Variants in CEP135 observed in about 807,000 individuals in gnomAD.
CEP135 encodes centrosomal protein of 135 kDa.
Under a neutral mutation model 157.3 loss-of-function variants are expected in CEP135, and 142 were observed. That is an observed-to-expected ratio of 0.90 (90% CI 0.79 to 1.04). CEP135 has a LOEUF of 1.04. Ranked by LOEUF, CEP135 falls within the 50% of genes least tolerant of loss-of-function variation. CEP135 has a pLI of 0.00. For missense variants in CEP135, 1,317 were observed against 1,309.2 expected, an observed-to-expected ratio of 1.01 and a Z score of -0.09; for synonymous variants, 396 against 439.8, an observed-to-expected ratio of 0.90 and a Z score of 1.25.
Position 55,974,867 on chromosome 4 carries a change from T to C in CEP135, c.1371T>C (p.Tyr457=), listed in dbSNP as rs1729143431. The change falls in exon 11 of 26, where the codon TAT becomes TAC. Residue 457 remains tyrosine (Y), a synonymous_variant. Coordinates refer to ENST00000257287, the MANE Select transcript of CEP135 (RefSeq NM_025009.5). ...GTATAGAAGAAGAACGAGATTATTA[T>C]AAGAAAGAGCTAGAGAGACTCCAAC... The part of the protein sequence containing the change: ...LKGIEEERDY[Y]KKELERLQHI... 6.2e-7 allele frequency: 1 copy of C among 1,613,718 alleles called. No homozygotes were observed.
chr4:55,950,759 C>CTT (rs148350973), intron 1 of CEP135, among the ~76,000 whole-genome samples: 11 of 150,534 alleles, frequency 7.3e-5, no homozygotes, highest in African/African-American at 2.4e-4. Flanking sequence ...TTATGTGTGT[C>CTT]TTTTTTTTTA....
intron 4 of CEP135, among the ~76,000 whole-genome samples, chr4:55,954,610 C>G (rs932168076): frequency 2.6e-5 from 4 of 152,206 alleles, no homozygotes; most frequent in South Asian, 2.1e-4. Flanking sequence ...AGATACTAGT[C>G]TAACTTTAAT....
intron 15 of CEP135, among the ~76,000 whole-genome samples, chr4:55,998,188 T>C (rs557899634): frequency 6.6e-6 from 1 of 152,324 alleles, no homozygotes; most frequent in Admixed American, 6.5e-5. Flanking sequence ...TTTTTCCATG[T>C]CTTATTCCTC....
At chr4:55,971,877 G>A (rs1577875878) in intron 10 of CEP135, among the ~76,000 whole-genome samples, 1 of 152,120 alleles carries the variant, frequency 6.6e-6, no homozygotes, top group East Asian at 1.9e-4. Context: ...TCGGCTGGGC[G>A]CGGTGGCTCA....
chr4:55,959,084 C>CA (rs1199369826), intron 5 of CEP135, among the ~76,000 whole-genome samples: 1 of 151,200 alleles, frequency 6.6e-6, no homozygotes, highest in East Asian at 1.9e-4. Flanking sequence ...GGCCCTGTCT[C>CA]AAAAAAGAAA....
chr4:55,963,522 G>A (rs1728747855), intron 6 of CEP135, among the ~76,000 whole-genome samples: 1 of 152,188 alleles, frequency 6.6e-6, no homozygotes, highest in African/African-American at 2.4e-5. Flanking sequence ...GAGGCAGGCG[G>A]ATCACCTGAG....
At chr4:55,958,995 G>C (rs1728593277) in intron 5 of CEP135, among the ~76,000 whole-genome samples, 1 of 152,196 alleles carries the variant, frequency 6.6e-6, no homozygotes, top group Non-Finnish European at 1.5e-5. Context: ...TGAGGTGAGA[G>C]GATTGATGGA....
In CEP135 at chr4:56,003,909, C is replaced by T. The variant is rs183978111; in HGVS notation, c.2280+4264C>T. Among the ~76,000 whole-genome samples the T allele has an allele frequency of 1.6e-3, 237 of 151,964 alleles. 1 individual carries two copies. Among genetic ancestry groups the T allele is most frequent in the Middle Eastern group, 6.8e-3 (2 of 294 alleles). On this transcript the variant is annotated intron_variant, in intron 17 of 25. Coordinates refer to ENST00000257287, the MANE Select transcript of CEP135 (RefSeq NM_025009.5). ...CTAATTTTTAATTTTTTTGTAGAGA[C>T]GGTGTCTTACCATGTTTCCCAGGCT...
intron 25 of CEP135, among the ~76,000 whole-genome samples, chr4:56,030,026 AC>A (rs1320919002): frequency 1.3e-5 from 2 of 152,284 alleles, no homozygotes; most frequent in African/African-American, 4.8e-5. Context: ...TCCTTTATAA[AC>A]TTTTGTTTTA....
chr4:56,017,651 A>T lies in CEP135; in HGVS notation c.2806A>T (p.Ile936Leu), dbSNP rs139474852. 1 of 1,591,230 alleles carries T rather than the reference A, an allele frequency of 6.3e-7. No homozygotes were observed. Among genetic ancestry groups the T allele is most frequent in the Non-Finnish European group, 8.5e-7 (1 of 1,170,230 alleles). ...ELLEKEIQEHINAHHAYESQI... is the reference protein window; with the variant it reads ...ELLEKEIQEHLNAHHAYESQI... ...TTGTTTCTTTTTCTTTTTTCAGCACATAAATGCCCATCATGCTTATGAATC... is the reference window on the plus strand; with the variant it reads ...TTGTTTCTTTTTCTTTTTTCAGCACTTAAATGCCCATCATGCTTATGAATC... The change falls in exon 22 of 26, where the codon ATA (isoleucine) becomes TTA (leucine). Residue 936 changes from isoleucine to leucine, a missense_variant. Transcript: ENST00000257287.
rs772878964 is a variant in CEP135, at chr4:56,028,801, G to T, written c.*12-2559G>T. 7.9e-5 allele frequency among the ~76,000 whole-genome samples: 12 copies of T among 152,128 alleles called. 1 individual carries two copies. The highest frequency in any genetic ancestry group is 1.8e-4 in the Non-Finnish European group (12 of 68,032). The stretch of plus-strand genomic sequence containing the variant: ...ATACACCACTCAGCATACCACTTCA[G>T]ACACTGTATTCTCCAGCAGACACCA... On this transcript the variant is annotated intron_variant, in intron 25 of 25. Coordinates refer to ENST00000257287, the MANE Select transcript of CEP135 (RefSeq NM_025009.5).
intron 13 of CEP135, among the ~76,000 whole-genome samples, chr4:55,982,602 C>T (rs1281520846): frequency 6.6e-6 from 1 of 151,998 alleles, no homozygotes; most frequent in Middle Eastern, 3.2e-3. Flanking sequence ...GATTCGTTGC[C>T]GATTTTTAAA....
chr4:55,980,397 G>T, intron 12 of CEP135, 102 bp downstream of exon 12: 2 of 642,250 alleles, frequency 3.1e-6, no homozygotes, highest in African/African-American at 1.9e-5. Flanking sequence ...ATGGACCTGT[G>T]ATATTTCTTC....
At chr4:56,009,967 C>T (rs1485413289) in intron 19 of CEP135, 64 bp downstream of exon 19, 6 of 1,446,590 alleles carry the variant, frequency 4.1e-6, no homozygotes, top group African/African-American at 2.9e-5. Flanking sequence ...AATATTAAAG[C>T]TCTAAATATT....
Position 55,965,779 on chromosome 4 carries a change from A to G in CEP135, c.964A>G (p.Ile322Val), listed in dbSNP as rs749886095. 1 of 1,613,738 alleles carries G rather than the reference A, an allele frequency of 6.2e-7. No individual in the cohort carries two copies. The highest frequency in any genetic ancestry group is 1.7e-5 in the Admixed American group (1 of 60,028). ...AAAACTCTGCCAAGAATTAACTGAA[A>G]TAGATCAGTTAGCACAGCAGTTGGA... is the stretch of plus-strand genomic sequence containing the variant. Reference protein sequence around the residue: ...NEKLCQELTEIDQLAQQLERH... With the variant: ...NEKLCQELTEVDQLAQQLERH... The change falls in exon 8 of 26, where the codon ATA (isoleucine) becomes GTA (valine). Residue 322 changes from isoleucine (I) to valine (V), a missense_variant. Ile to Val is a conservative substitution (Grantham distance 29, BLOSUM62 3). Transcript: ENST00000257287.
chr4:55,968,878 G>A (rs183175479), intron 8 of CEP135, among the ~76,000 whole-genome samples, 185 bp from the exon 9 acceptor site: 29 of 152,174 alleles, frequency 1.9e-4, no homozygotes, highest in Admixed American at 6.5e-4. Context: ...GTAAACATTC[G>A]GGATACCAAA....
rs772769302 is a variant in CEP135 at position 56,009,860 on chromosome 4, G to A, written c.2462G>A (p.Arg821Lys). Residue 821 changes from arginine (R) to lysine (K), a missense_variant, in exon 19 of 26, where the codon AGA (arginine) becomes AAA (lysine). Physicochemically the swap from Arg to Lys is conservative, Grantham distance 26. Coordinates refer to ENST00000257287, the MANE Select transcript of CEP135 (RefSeq NM_025009.5). Reference sequence around the variant, plus strand: ...AGAGAAATCGCTTTTAAGGAAAACAGAAGACTGCAAGATGACCTGGCTACA... The same window carrying A: ...AGAGAAATCGCTTTTAAGGAAAACAAAAGACTGCAAGATGACCTGGCTACA... ...RSREIAFKENRRLQDDLATMA... is the reference protein window; with the variant it reads ...RSREIAFKENKRLQDDLATMA... 1 of 1,613,770 alleles carries A rather than the reference G, an allele frequency of 6.2e-7. No homozygotes were observed. The highest frequency in any genetic ancestry group is 8.5e-7 in the Non-Finnish European group (1 of 1,179,948).
intron 24 of CEP135, 74 bp downstream of exon 24, chr4:56,020,854 G>A (rs1730951871): frequency 9.4e-7 from 1 of 1,065,410 alleles, no homozygotes; most frequent in Admixed American, 2.2e-5. Flanking sequence ...TATTTAATAT[G>A]GCTTTACAAA....
chr4:55,956,570 G>A (rs529112721), intron 4 of CEP135, among the ~76,000 whole-genome samples: 2 of 151,232 alleles, frequency 1.3e-5, no homozygotes, highest in African/African-American at 2.4e-5. Flanking sequence ...TTCTGCTAGT[G>A]ATAATTTCTT....
Sources: gnomAD v4.1 joint callset for allele counts (sites outside exome capture counted in the v4.1 genomes callset) on GRCh38, gnomAD v4.1.1 for gene constraint, MANE v1.5 for transcripts, NCBI Gene and HGNC (gene_info 2026-07-23, HGNC 2026-07-21) for gene names.